Variants in KRABD3 observed in about 807,000 individuals in gnomAD.
KRABD3 encodes the protein KRAB domain containing 3.
the KRABD3 span, among the ~76,000 whole-genome samples, chr7:149,726,986 C>G: frequency 4.3e-4 from 66 of 152,324 alleles, no homozygotes; most frequent in East Asian, 0.01. Flanking sequence ...TAATATCAAA[C>G]TGACCCCCAA....
the KRABD3 span, among the ~76,000 whole-genome samples, chr7:149,724,176 C>T: frequency 6.6e-6 from 1 of 152,168 alleles, no homozygotes; most frequent in East Asian, 1.9e-4. Context: ...GGAGCTCTAG[C>T]CCAGCACACA....
the KRABD3 span, among the ~76,000 whole-genome samples, chr7:149,718,468 G>T: frequency 1.3e-5 from 2 of 148,202 alleles, no homozygotes; most frequent in Non-Finnish European, 3.0e-5. Context: ...ATTGATGCTG[G>T]TCATTTTCTA....
chr7:149,721,104 G>A, the KRABD3 span: 2 of 1,365,316 alleles, frequency 1.5e-6, no homozygotes, highest in Non-Finnish European at 2.0e-6. Flanking sequence ...GGGAGGCAGA[G>A]TCACCTGCTG....
chr7:149,733,688 C>T, the KRABD3 span: 12 of 1,583,648 alleles, frequency 7.6e-6, no homozygotes, highest in African/African-American at 2.7e-5. Flanking sequence ...TCGCCGGGCA[C>T]GTCCGCTGCC....
chr7:149,715,991 G>A, the KRABD3 span, among the ~76,000 whole-genome samples: 1 of 152,172 alleles, frequency 6.6e-6, no homozygotes, highest in African/African-American at 2.4e-5. Context: ...ATCTGATGAG[G>A]GGAATATCCT....
chr7:149,734,400 A>G, the KRABD3 span: 1 of 236,998 alleles, frequency 4.2e-6, no homozygotes. Context: ...TAGAGCGGCC[A>G]GGAGAGCGCC....
chr7:149,720,219 C>G, the KRABD3 span: 11 of 1,396,232 alleles, frequency 7.9e-6, no homozygotes, highest in Non-Finnish European at 1.1e-5. Context: ...AGTCCAGCCT[C>G]TCACCTCCCT....
chr7:149,717,419 G>A, the KRABD3 span, among the ~76,000 whole-genome samples: 3 of 152,240 alleles, frequency 2.0e-5, no homozygotes. Flanking sequence ...TGCTCTGCAC[G>A]CTCTTCTGCA....
the KRABD3 span, among the ~76,000 whole-genome samples, chr7:149,731,448 T>G: frequency 6.6e-6 from 1 of 152,126 alleles, no homozygotes; most frequent in Non-Finnish European, 1.5e-5. Flanking sequence ...AGCCGCCTCC[T>G]CCTGCCGGAG....
At chr7:149,717,109 C>T in the KRABD3 span, among the ~76,000 whole-genome samples, 1 of 152,210 alleles carries the variant, frequency 6.6e-6, no homozygotes, top group Non-Finnish European at 1.5e-5. Context: ...AGCAGTGGTA[C>T]CAGTGCAACC....
At chr7:149,722,325 C>G in the KRABD3 span, 1 of 1,526,176 alleles carries the variant, frequency 6.6e-7, no homozygotes, top group African/African-American at 1.4e-5. Context: ...ACTTGGGTGG[C>G]TGGAGAGGGC....
chr7:149,721,770 C>T, the KRABD3 span: 13 of 676,382 alleles, frequency 1.9e-5, no homozygotes, highest in Admixed American at 6.1e-5. Flanking sequence ...CATCCCGCCC[C>T]GATCACTGAG....
chr7:149,717,059 G>T, the KRABD3 span, among the ~76,000 whole-genome samples: 1 of 152,154 alleles, frequency 6.6e-6, no homozygotes, highest in Non-Finnish European at 1.5e-5. Flanking sequence ...GCTCTGCCCC[G>T]GTCTCTGGGT....
At chr7:149,733,266 C>T in the KRABD3 span, 5 of 1,612,380 alleles carry the variant, frequency 3.1e-6, no homozygotes, top group Non-Finnish European at 3.4e-6. Flanking sequence ...GAGTCTCCCC[C>T]TCCGGAGCTG....
the KRABD3 span, chr7:149,728,709 A>ACCCT: frequency 1.2e-5 from 20 of 1,606,720 alleles, no homozygotes; most frequent in Admixed American, 2.4e-4. Context: ...GGGTGTAGAC[A>ACCCT]GGGCTGCTCT....
chr7:149,717,593 C>T, the KRABD3 span, among the ~76,000 whole-genome samples: 3 of 152,210 alleles, frequency 2.0e-5, no homozygotes, highest in Non-Finnish European at 2.9e-5. Context: ...GTCTGCACAT[C>T]GAGGCAGGAG....
the KRABD3 span, among the ~76,000 whole-genome samples, chr7:149,727,411 T>C: frequency 6.6e-6 from 1 of 152,194 alleles, no homozygotes; most frequent in Non-Finnish European, 1.5e-5. Flanking sequence ...ATAGGTAATA[T>C]GATCACATAG....
At chr7:149,730,538 G>C in the KRABD3 span, 3 of 1,612,172 alleles carry the variant, frequency 1.9e-6, no homozygotes, top group South Asian at 1.1e-5. Flanking sequence ...CAGGAGAACA[G>C]AGCCCAGGTA....
chr7:149,734,131 C>A, the KRABD3 span: 5 of 1,480,586 alleles, frequency 3.4e-6, no homozygotes, highest in East Asian at 1.2e-4. Flanking sequence ...CCCCAGGCCA[C>A]CCTCTCCCAG....
Sources: gnomAD v4.1 joint callset for allele counts (sites outside exome capture counted in the v4.1 genomes callset) on GRCh38, gnomAD v4.1.1 for gene constraint, MANE v1.5 for transcripts, NCBI Gene and HGNC (gene_info 2026-07-23, HGNC 2026-07-21) for gene names.